E2F5: variants seen among roughly 807,000 people sequenced by gnomAD.
E2F5 encodes the protein transcription factor E2F5.
Under a neutral mutation model 39.1 loss-of-function variants are expected in E2F5, and 23 were observed. That is an observed-to-expected ratio of 0.59 (90% CI 0.42 to 0.83). E2F5 has a LOEUF of 0.83. Ranked by LOEUF, E2F5 falls within the 40% of genes least tolerant of loss-of-function variation. The pLI is 0.00. For missense variants in E2F5, 365 were observed against 406.7 expected (o/e 0.90, Z 0.88); for synonymous variants, 145 against 157.8 (o/e 0.92, Z 0.61).
At chr8:85,190,332 GT>G (rs111533977) in intron 1 of E2F5, among the ~76,000 whole-genome samples, 50 of 146,702 alleles carry the variant, frequency 3.4e-4, no homozygotes, top group Non-Finnish European at 4.7e-4. Flanking sequence ...TCTGGTCTTA[GT>G]TTTTTTTTTT....
chr8:85,204,315 C>G (rs1252260454), intron 3 of E2F5, among the ~76,000 whole-genome samples: 2 of 151,970 alleles, frequency 1.3e-5, no homozygotes, highest in South Asian at 4.2e-4. Context: ...CTCCATAAAC[C>G]TTTCTGGCTG....
Position 85,181,507 on chromosome 8 carries a change from T to G in E2F5, c.234+3853T>G, listed in dbSNP as rs867381376. Among the ~76,000 whole-genome samples, 124 of 150,220 alleles carry G rather than the reference T, an allele frequency of 8.3e-4. 1 individual carries two copies. The highest frequency in any genetic ancestry group is 5.6e-4 in the Non-Finnish European group (38 of 67,458). On this transcript the variant is annotated intron_variant, in intron 1 of 7. Transcript: ENST00000416274. ...CACCACGCCCGGCTAGTTTTGTTTT[T>G]TTTTTTTTTGTATTTTTAGTAGAGG...
chr8:85,206,131 C>A (rs773461812), intron 3 of E2F5, 46 bp from the exon 4 acceptor site: 1 of 1,575,338 alleles, frequency 6.3e-7, no homozygotes, highest in Non-Finnish European at 8.7e-7. Context: ...AATTTAAATG[C>A]CTACGGCTTG....
At chr8:85,190,497 C>CTTTTTTTTTTT (rs34804570) in intron 1 of E2F5, among the ~76,000 whole-genome samples, 1 of 70,302 alleles carries the variant, frequency 1.4e-5, no homozygotes, top group Non-Finnish European at 2.5e-5. Flanking sequence ...GAGATTTTTC[C>CTTTTTTTTTTT]TTTTTTTTTT....
At chr8:85,188,231 A>G (rs1047131521) in intron 1 of E2F5, among the ~76,000 whole-genome samples, 3 of 151,964 alleles carry the variant, frequency 2.0e-5, no homozygotes, top group Non-Finnish European at 2.9e-5. Flanking sequence ...ATGATGCTGC[A>G]TAAATTGCTT....
intron 1 of E2F5, among the ~76,000 whole-genome samples, chr8:85,186,510 T>A (rs1057297074): frequency 6.6e-6 from 1 of 150,738 alleles, no homozygotes; most frequent in Admixed American, 6.6e-5. Context: ...TGTGTGTATG[T>A]GTGTGTGTAT....
intron 7 of E2F5, chr8:85,212,582 T>C (rs1439211366): frequency 6.0e-6 from 1 of 165,514 alleles, no homozygotes; most frequent in African/African-American, 2.4e-5. Context: ...CAATGGGAAG[T>C]CACTGAATTA....
At chr8:85,204,998 C>T (rs1812772114) in intron 3 of E2F5, among the ~76,000 whole-genome samples, 1 of 152,152 alleles carries the variant, frequency 6.6e-6, no homozygotes, top group African/African-American at 2.4e-5. Context: ...CCAGCCTGGC[C>T]AACAGGGTGA....
At chr8:85,187,977 A>C (rs1812376779) in intron 1 of E2F5, among the ~76,000 whole-genome samples, 1 of 152,204 alleles carries the variant, frequency 6.6e-6, no homozygotes, top group Non-Finnish European at 1.5e-5. Flanking sequence ...GCTTACAAAA[A>C]AATATCTTAC....
intron 6 of E2F5, among the ~76,000 whole-genome samples, chr8:85,211,070 T>C (rs1158599714): frequency 1.3e-5 from 2 of 152,166 alleles, no homozygotes; most frequent in Non-Finnish European, 2.9e-5. Context: ...TTTGCAGTTA[T>C]GCAACTGAGA....
chr8:85,213,705 CCG>C, intron 7 of E2F5, 46 bp from the exon 8 acceptor site: 1 of 951,316 alleles, frequency 1.1e-6, no homozygotes. Flanking sequence ...AGATCATTAA[CCG>C]TATGTAGAAA....
intron 1 of E2F5, among the ~76,000 whole-genome samples, chr8:85,188,731 T>C (rs1812398144): frequency 6.6e-6 from 1 of 152,200 alleles, no homozygotes; most frequent in Non-Finnish European, 1.5e-5. Context: ...AGCTTCAGTC[T>C]ATGCGCACTA....
intron 1 of E2F5, among the ~76,000 whole-genome samples, chr8:85,182,792 A>G (rs1433649578): frequency 4.6e-5 from 7 of 152,216 alleles, no homozygotes; most frequent in African/African-American, 1.7e-4. Flanking sequence ...TTTAAGCATG[A>G]TGAAGATTGC....
Position 85,200,739 on chromosome 8 carries a change from C to T in E2F5, c.235-1408C>T, listed in dbSNP as rs896303041. ...GTATTGCTCTTCATAAAAACAGCCTCGAAGTCAAGAGTAAAAATTCTGTGA... is the reference window on the plus strand; with the variant it reads ...GTATTGCTCTTCATAAAAACAGCCTTGAAGTCAAGAGTAAAAATTCTGTGA... On this transcript the variant is annotated intron_variant, in intron 1 of 7. Transcript: ENST00000416274. Among the ~76,000 whole-genome samples the T allele has an allele frequency of 3.9e-5, 6 of 152,202 alleles. No individual in the cohort carries two copies. In the South Asian group the frequency reaches 6.2e-4, roughly 16 times the overall value.
At chr8:85,186,221 A>G (rs1412445475) in intron 1 of E2F5, among the ~76,000 whole-genome samples, 1 of 152,166 alleles carries the variant, frequency 6.6e-6, no homozygotes, top group East Asian at 1.9e-4. Context: ...GACATGGATG[A>G]AGCTGGAAAC....
chr8:85,194,504 ATC>A (rs1812535436), intron 1 of E2F5, among the ~76,000 whole-genome samples: 1 of 140,548 alleles, frequency 7.1e-6, no homozygotes, highest in South Asian at 2.3e-4. Flanking sequence ...ACTTAGGTTT[ATC>A]TCTTTGTTGT....
chr8:85,177,768 C>A, intron 1 of E2F5, 114 bp downstream of exon 1: 1 of 1,141,768 alleles, frequency 8.8e-7, no homozygotes, highest in Non-Finnish European at 1.1e-6. Context: ...TTGCGGGGAC[C>A]CGGGACCGGG....
rs141729081 is a variant in E2F5 at position 85,198,169 on chromosome 8, C to A, written c.235-3978C>A. On this transcript the variant is annotated intron_variant, in intron 1 of 7. Coordinates refer to ENST00000416274, the MANE Select transcript of E2F5 (RefSeq NM_001951.4). ...TGCTGGACTTCAGTTATTAATATGCCCTGTTATTATCTAAGGACAGTCCTC... is the reference window on the plus strand; with the variant it reads ...TGCTGGACTTCAGTTATTAATATGCACTGTTATTATCTAAGGACAGTCCTC... Among the ~76,000 whole-genome samples the A allele has an allele frequency of 1.7e-3, 260 of 152,146 alleles. 1 individual carries two copies. Among genetic ancestry groups the A allele is most frequent in the African/African-American group, 5.4e-3 (223 of 41,514 alleles).
rs145673328 is a variant in E2F5 at position 85,194,004 on chromosome 8, A to C, written c.235-8143A>C. On this transcript the variant is annotated intron_variant, in intron 1 of 7. Transcript: ENST00000416274. ...TTGATTATTATTCCTTTATTAACTC[A>C]TTAAAAGTTTGAAAACTTTTTCAAG... 7.1e-3 allele frequency among the ~76,000 whole-genome samples: 1,087 copies of C among 152,304 alleles called. 14 individuals are homozygous for C. Among genetic ancestry groups the C allele is most frequent in the African/African-American group, 0.022 (921 of 41,558 alleles).
Sources: allele counts gnomAD v4.1 joint callset (sites outside exome capture counted in the v4.1 genomes callset), GRCh38; gene constraint gnomAD v4.1.1; transcripts MANE v1.5; gene names NCBI Gene and HGNC (gene_info 2026-07-23, HGNC 2026-07-21).